The following ERBB4 variants were observed in gnomAD, a reference collection of about 807,000 sequenced individuals.
ERBB4 encodes the protein receptor tyrosine-protein kinase erbB-4.
A neutral mutation model predicts 158.0 loss-of-function variants in ERBB4; 42 were observed. The observed-to-expected ratio is 0.27, with a 90% CI of 0.21 to 0.34. The LOEUF (loss-of-function observed/expected upper bound fraction) is 0.34, where lower values mean the gene tolerates loss of function less well. Ranked by LOEUF, ERBB4 falls within the 10% of genes least tolerant of loss-of-function variation. The pLI is 1.00. For missense variants in ERBB4, 1,333 were observed against 1,624.1 expected (o/e 0.82, Z 3.08); for synonymous variants, 583 against 558.7 (o/e 1.04, Z -0.61).
In ERBB4 at chr2:212,232,895, G is replaced by A. The variant is rs539194700; in HGVS notation, c.83-107992C>T. On this transcript the variant is annotated intron_variant, in intron 1 of 27. Transcript: ENST00000342788. ...TATCATTTGTCCCTTGCGCTACAGA[G>A]ATTTTTAATGCAATTATTAAAATAA... 2.7e-5 allele frequency among the ~76,000 whole-genome samples: 4 copies of A among 148,308 alleles called. No homozygotes were observed. The East Asian group carries it at 7.8e-4, about 29-fold the overall frequency.
intron 3 of ERBB4, among the ~76,000 whole-genome samples, chr2:211,823,397 G>T (rs1413626982): frequency 6.6e-6 from 1 of 150,604 alleles, no homozygotes; most frequent in Non-Finnish European, 1.5e-5. Context: ...CAACATAAGG[G>T]GTAAGCATCT....
rs986526088 is a variant in ERBB4, at chr2:212,418,759, A to C, written c.82+119690T>G. 4.0e-5 allele frequency among the ~76,000 whole-genome samples: 6 copies of C among 151,780 alleles called. No homozygotes were observed. The East Asian group carries it at 1.2e-3, about 29-fold the overall frequency. On this transcript the variant is annotated intron_variant, in intron 1 of 27. Coordinates refer to ENST00000342788, the MANE Select transcript of ERBB4 (RefSeq NM_005235.3). ...AATTAGAAAAATTTTCCTCTTTAAA[A>C]GGCATAAATGATTTACCACAAAATC...
At chr2:211,626,590 C>A (rs2069853522) in intron 17 of ERBB4, among the ~76,000 whole-genome samples, 1 of 151,996 alleles carries the variant, frequency 6.6e-6, no homozygotes, top group Non-Finnish European at 1.5e-5. Flanking sequence ...ATAATTTAGT[C>A]TTAAAGAATA....
intron 25 of ERBB4, among the ~76,000 whole-genome samples, chr2:211,415,590 T>TA (rs1156641609): frequency 1.3e-5 from 2 of 152,256 alleles, no homozygotes; most frequent in South Asian, 2.1e-4. Flanking sequence ...GCTAAATTTA[T>TA]AAAAATCTCA....
intron 2 of ERBB4, among the ~76,000 whole-genome samples, chr2:212,055,779 C>T (rs937981873): frequency 3.9e-5 from 6 of 152,190 alleles, no homozygotes; most frequent in East Asian, 3.9e-4. Flanking sequence ...CCCATCTGTA[C>T]ATCACCATCA....
At chr2:212,054,673 T>A (rs2077499422) in intron 2 of ERBB4, among the ~76,000 whole-genome samples, 1 of 152,148 alleles carries the variant, frequency 6.6e-6, no homozygotes, top group Admixed American at 6.6e-5. Flanking sequence ...CTATAGGAAG[T>A]AAGCTGCGTG....
At chr2:212,236,394 C>T (rs556755542) in intron 1 of ERBB4, among the ~76,000 whole-genome samples, 6 of 152,252 alleles carry the variant, frequency 3.9e-5, no homozygotes, top group East Asian at 3.9e-4. Context: ...ATTTTCACAT[C>T]GATGTTCATC....
rs569121339 is a variant in ERBB4 at position 211,767,095 on chromosome 2, C to G, written c.557-16391G>C. Among the ~76,000 whole-genome samples, 14 of 152,232 alleles carry G rather than the reference C, an allele frequency of 9.2e-5. No individual in the cohort carries two copies. In the South Asian group the frequency reaches 2.9e-3, roughly 32 times the overall value. ...AATTCTGTAACCAGCACTCTGGAGT[C>G]GCTTGCTCAAGGCTACTCCCACTCT... On this transcript the variant is annotated intron_variant, in intron 4 of 27. Coordinates refer to ENST00000342788, the MANE Select transcript of ERBB4 (RefSeq NM_005235.3).
chr2:212,480,210 C>A, intron 1 of ERBB4, among the ~76,000 whole-genome samples: 1 of 151,986 alleles, frequency 6.6e-6, no homozygotes, highest in East Asian at 1.9e-4. Flanking sequence ...TTTCATTGAA[C>A]ATCTATGTAA....
At chr2:211,956,709 G>A (rs2081045058) in intron 2 of ERBB4, among the ~76,000 whole-genome samples, 1 of 151,840 alleles carries the variant, frequency 6.6e-6, no homozygotes, top group Non-Finnish European at 1.5e-5. Context: ...CAATATATAA[G>A]CAAAAACATT....
At chr2:211,915,529 T>A (rs997695119) in intron 3 of ERBB4, among the ~76,000 whole-genome samples, 19 of 151,850 alleles carry the variant, frequency 1.3e-4, no homozygotes, top group African/African-American at 4.6e-4. Flanking sequence ...AATTTACTAT[T>A]TATTTTAGTT....
chr2:212,478,343 G>C (rs755435346), intron 1 of ERBB4, among the ~76,000 whole-genome samples: 2 of 151,994 alleles, frequency 1.3e-5, no homozygotes, highest in Non-Finnish European at 2.9e-5. Context: ...CCCAGGCCTG[G>C]CTTGGAAAGG....
Position 212,258,480 on chromosome 2 carries a change from T to A in ERBB4, c.83-133577A>T, listed in dbSNP as rs568231125. ...ACTTTCCAAATAATAAACAAAAATA[T>A]TGACCCTAAAATAGTTACGCTAAAA... On this transcript the variant is annotated intron_variant, in intron 1 of 27. Transcript: ENST00000342788. 4.0e-5 allele frequency among the ~76,000 whole-genome samples: 6 copies of A among 151,578 alleles called. No individual in the cohort carries two copies. In the East Asian group the frequency reaches 1.2e-3, roughly 29 times the overall value.
At chr2:212,054,734 C>A (rs1247435694) in intron 2 of ERBB4, among the ~76,000 whole-genome samples, 1 of 152,122 alleles carries the variant, frequency 6.6e-6, no homozygotes, top group Admixed American at 6.5e-5. Context: ...CTGGAAGATG[C>A]TGGCTGCCAA....
chr2:211,801,377 T>C (rs1298059422), intron 3 of ERBB4, among the ~76,000 whole-genome samples: 3 of 152,142 alleles, frequency 2.0e-5, no homozygotes, highest in African/African-American at 7.2e-5. Flanking sequence ...TTGAAATATA[T>C]ATTTTTTAAA....
intron 1 of ERBB4, among the ~76,000 whole-genome samples, chr2:212,155,333 A>T (rs2081002863): frequency 6.7e-6 from 1 of 148,348 alleles, no homozygotes; most frequent in Admixed American, 6.8e-5. Context: ...TGGAATGTTG[A>T]CACAAGGATA....
rs187624143 is a variant in ERBB4, at chr2:211,935,472, G to A, written c.421+11958C>T. Among the ~76,000 whole-genome samples the A allele has an allele frequency of 3.9e-5, 6 of 152,228 alleles. No homozygotes were observed. The East Asian group carries it at 5.8e-4, about 15-fold the overall frequency. On this transcript the variant is annotated intron_variant, in intron 3 of 27. Coordinates refer to ENST00000342788, the MANE Select transcript of ERBB4 (RefSeq NM_005235.3). The stretch of plus-strand genomic sequence containing the variant: ...CCAGTACACACTCTTTCTCTCTTGC[G>A]GGACACCAATTTCAGGCTCCCTGGT...
intron 19 of ERBB4, among the ~76,000 whole-genome samples, chr2:211,562,465 T>C (rs2067423316): frequency 6.6e-6 from 1 of 152,196 alleles, no homozygotes; most frequent in Non-Finnish European, 1.5e-5. Context: ...TAAAATAATG[T>C]ATACAAATTT....
At chr2:212,013,994 T>A (rs900801373) in intron 2 of ERBB4, among the ~76,000 whole-genome samples, 3 of 152,216 alleles carry the variant, frequency 2.0e-5, no homozygotes, top group Non-Finnish European at 4.4e-5. Flanking sequence ...ATATTGAATG[T>A]GGGGAACAGC....
Sources: allele counts gnomAD v4.1 joint callset (sites outside exome capture counted in the v4.1 genomes callset), GRCh38; gene constraint gnomAD v4.1.1; transcripts MANE v1.5; gene names NCBI Gene and HGNC (gene_info 2026-07-23, HGNC 2026-07-21).